The following RIMBP2 variants were observed in gnomAD, a reference collection of about 807,000 sequenced individuals.
RIMBP2 encodes the protein RIMS-binding protein 2.
A neutral mutation model predicts 118.6 loss-of-function variants in RIMBP2; 48 were observed. That is an observed-to-expected ratio of 0.40 (90% confidence interval 0.32 to 0.51). RIMBP2 has a LOEUF of 0.51. RIMBP2 is among the 20% of genes least tolerant of loss of function. The pLI, the probability that RIMBP2 is intolerant of heterozygous loss-of-function variation, is 0.41. For synonymous variants in RIMBP2, 762 were observed against 742.9 expected, an observed-to-expected ratio of 1.03 and a Z score of -0.42; for missense variants, 1,551 against 1,768.3, an observed-to-expected ratio of 0.88 and a Z score of 2.20.
chr12:130,610,600 G>A (rs145729646), intron 2 of RIMBP2, among the ~76,000 whole-genome samples: 11 of 113,000 alleles, frequency 9.7e-5, no homozygotes, highest in Admixed American at 2.8e-4. Context: ...TCGCTCTGTC[G>A]CCCAGGCTGG....
intron 1 of RIMBP2, among the ~76,000 whole-genome samples, chr12:130,645,618 G>C (rs375650399): frequency 1.3e-5 from 2 of 152,354 alleles, no homozygotes; most frequent in South Asian, 4.1e-4. Flanking sequence ...TGGGGGACAA[G>C]GTCAAAGCCA....
At chr12:130,646,142 ACCACCTGC>A (rs2062905846) in intron 1 of RIMBP2, among the ~76,000 whole-genome samples, 2 of 38,210 alleles carry the variant, frequency 5.2e-5, no homozygotes, top group African/African-American at 2.4e-4. Flanking sequence ...CACCTCCCTC[ACCACCTGC>A]CTCTCCACCT....
intron 2 of RIMBP2, among the ~76,000 whole-genome samples, chr12:130,607,680 A>C (rs1315789676): frequency 6.6e-6 from 1 of 151,970 alleles, no homozygotes; most frequent in Non-Finnish European, 1.5e-5. Flanking sequence ...ACTCCCCAGC[A>C]AGGAGAAGCC....
chr12:130,619,053 AG>A (rs2061139066), intron 2 of RIMBP2, among the ~76,000 whole-genome samples: 1 of 152,250 alleles, frequency 6.6e-6, no homozygotes, highest in Non-Finnish European at 1.5e-5. Context: ...CTTTATAGCA[AG>A]CAACCTTCAA....
At chr12:130,646,106 T>TCCCTCA in intron 1 of RIMBP2, among the ~76,000 whole-genome samples, 1 of 51,166 alleles carries the variant, frequency 2.0e-5, no homozygotes, top group East Asian at 6.7e-4. Context: ...CACCTCCCTC[T>TCCCTCA]CCACCTCCCT....
chr12:130,535,332 CA>C (rs1420274756), intron 2 of RIMBP2, among the ~76,000 whole-genome samples: 1 of 143,522 alleles, frequency 7.0e-6, no homozygotes, highest in Non-Finnish European at 1.6e-5. Context: ...AACCCAGTCT[CA>C]ACTAAAAAAT....
In RIMBP2 at chr12:130,396,873, C is replaced by CTGTT. The variant is rs2074113853; in HGVS notation, c.*484_*487dup. 1 of 152,584 alleles carries CTGTT rather than the reference C, an allele frequency of 6.6e-6. No individual in the cohort carries two copies. Among genetic ancestry groups the CTGTT allele is most frequent in the South Asian group, 2.1e-4 (1 of 4,826 alleles). The allele number at this position is 152,584 out of a possible 1,614,324, so 9.5% of individuals were successfully genotyped here. A position where few individuals can be genotyped will look rare whatever the true frequency, so the allele number is the denominator to read the frequency against. ...ATGCACGACACATACAAAGTATACACTGTTTTTATTAGACAGTACAAATCA... is the reference window on the plus strand; with the variant it reads ...ATGCACGACACATACAAAGTATACACTGTTTGTTTTTATTAGACAGTACAAATCA... On this transcript the variant is annotated 3_prime_UTR_variant, in exon 23 of 23. Coordinates refer to ENST00000690449, the MANE Select transcript of RIMBP2 (RefSeq NM_001393629.1).
chr12:130,400,378 T>A (rs1005827468), intron 21 of RIMBP2, among the ~76,000 whole-genome samples: 3 of 152,216 alleles, frequency 2.0e-5, no homozygotes, highest in African/African-American at 7.2e-5. Flanking sequence ...GATAACCTCC[T>A]CAGACATTAC....
In RIMBP2 at chr12:130,711,747, G is replaced by A. The variant is rs957329171; in HGVS notation, c.-352+4475C>T. On this transcript the variant is annotated intron_variant, in intron 1 of 22. Transcript: ENST00000690449. ...CCACAAACCCTAGTACAGTGTGACTGGCTTGTTCAAAGATAAATGCAGTCA... is the reference window on the plus strand; with the variant it reads ...CCACAAACCCTAGTACAGTGTGACTAGCTTGTTCAAAGATAAATGCAGTCA... Among the ~76,000 whole-genome samples the A allele has an allele frequency of 2.6e-5, 4 of 152,228 alleles. No individual in the cohort carries two copies. In the East Asian group the frequency reaches 7.7e-4, roughly 29 times the overall value.
At chr12:130,607,683 G>A (rs568886989) in intron 2 of RIMBP2, among the ~76,000 whole-genome samples, 3 of 152,108 alleles carry the variant, frequency 2.0e-5, no homozygotes, top group African/African-American at 7.2e-5. Flanking sequence ...CCCCAGCAAG[G>A]AGAAGCCTGC....
At chr12:130,634,726 A>G (rs903172568) in intron 1 of RIMBP2, among the ~76,000 whole-genome samples, 2 of 151,984 alleles carry the variant, frequency 1.3e-5, no homozygotes, top group African/African-American at 4.8e-5. Context: ...CAAGTAGCTG[A>G]GGCTACCAGT....
Position 130,623,880 on chromosome 12 carries a change from C to T in RIMBP2, c.-217+4442G>A, listed in dbSNP as rs2061469511. Among the ~76,000 whole-genome samples, 1 of 152,220 alleles carries T rather than the reference C, an allele frequency of 6.6e-6. No individual in the cohort carries two copies. The highest frequency in any genetic ancestry group is 1.5e-5 in the Non-Finnish European group (1 of 68,042). ...ACACCACAGTCTCCCAGAGGTTCCA[C>T]AGCAGGATTGAGTCCCCATCACCCA... On this transcript the variant is annotated intron_variant, in intron 2 of 22. Transcript: ENST00000690449. The surrounding 1 kb of genome is among the most constrained non-coding windows in gnomAD (Gnocchi z 4.1).
In RIMBP2 at chr12:130,434,663, T is replaced by C; in HGVS notation, c.2253+71A>G. The stretch of plus-strand genomic sequence containing the variant: ...GTAGCGGGGAAAGTGCCCATGTCTC[T>C]TGATCTCCACGGGGCCCGCTCCGAG... On this transcript the variant is annotated intron_variant, in intron 14 of 22. Coordinates refer to ENST00000690449, the MANE Select transcript of RIMBP2 (RefSeq NM_001393629.1). The surrounding 1 kb of genome is among the most constrained non-coding windows in gnomAD (Gnocchi z 5.7). The C allele has an allele frequency of 4.7e-6, 7 of 1,497,230 alleles. No homozygotes were observed. The highest frequency in any genetic ancestry group is 6.2e-6 in the Non-Finnish European group (7 of 1,121,000). The allele number at this position is 1,497,230 out of a possible 1,614,324, so 92.7% of individuals were successfully genotyped here.
chr12:130,563,528 T>A (rs1045581326), intron 2 of RIMBP2, among the ~76,000 whole-genome samples: 1 of 152,254 alleles, frequency 6.6e-6, no homozygotes, highest in African/African-American at 2.4e-5. Context: ...GAATCAAGTA[T>A]GAAAACGGTG....
intron 6 of RIMBP2, among the ~76,000 whole-genome samples, chr12:130,468,598 T>A (rs748012717): frequency 2.6e-5 from 4 of 151,876 alleles, no homozygotes; most frequent in Non-Finnish European, 4.4e-5. Flanking sequence ...AAGGGGGTGG[T>A]CTTTGACAGA....
At chr12:130,702,185 A>G (rs1324517340) in intron 1 of RIMBP2, among the ~76,000 whole-genome samples, 1 of 152,002 alleles carries the variant, frequency 6.6e-6, no homozygotes, top group Non-Finnish European at 1.5e-5. Context: ...ATTTTGGGTA[A>G]ATTTCCAAAT....
rs1406274096 is a variant in RIMBP2 at position 130,622,248 on chromosome 12, C to A, written c.-217+6074G>T. Among the ~76,000 whole-genome samples, 1 of 152,142 alleles carries A rather than the reference C, an allele frequency of 6.6e-6. No homozygotes were observed. The highest frequency in any genetic ancestry group is 1.5e-5 in the Non-Finnish European group (1 of 68,036). On this transcript the variant is annotated intron_variant, in intron 2 of 22. Transcript: ENST00000690449. The surrounding 1 kb of genome is among the most constrained non-coding windows in gnomAD (Gnocchi z 8.5). Reference sequence around the variant, plus strand: ...GACTGGAGCAGACGTGAAGCCCCCACAAGGCTGCATAGGAGGTTCCGGGGA... The same window carrying A: ...GACTGGAGCAGACGTGAAGCCCCCAAAAGGCTGCATAGGAGGTTCCGGGGA...
In RIMBP2 at chr12:130,578,556, A is replaced by C. The variant is rs2058246476; in HGVS notation, c.-217+49766T>G. On this transcript the variant is annotated intron_variant, in intron 2 of 22. Transcript: ENST00000690449. The surrounding 1 kb of genome is among the most constrained non-coding windows in gnomAD (Gnocchi z 4.1). ...CTGTGTTCTGTTTCTCGATCATAGCAAACTTGCTCCAGCCTTGGGGCCTGT... is the reference window on the plus strand; with the variant it reads ...CTGTGTTCTGTTTCTCGATCATAGCCAACTTGCTCCAGCCTTGGGGCCTGT... Among the ~76,000 whole-genome samples, 1 of 152,190 alleles carries C rather than the reference A, an allele frequency of 6.6e-6. No individual in the cohort carries two copies. The highest frequency in any genetic ancestry group is 1.5e-5 in the Non-Finnish European group (1 of 68,034).
chr12:130,401,568 T>C (rs2136286305), intron 21 of RIMBP2, among the ~76,000 whole-genome samples: 1 of 151,954 alleles, frequency 6.6e-6, no homozygotes, highest in African/African-American at 2.4e-5. Context: ...TTGAAGGTCC[T>C]ACTCTTATTT....
Sources: allele counts gnomAD v4.1 joint callset (sites outside exome capture counted in the v4.1 genomes callset), GRCh38; gene constraint gnomAD v4.1.1; non-coding constraint Gnocchi (gnomAD v3.1); transcripts MANE v1.5; gene names NCBI Gene and HGNC (gene_info 2026-07-23, HGNC 2026-07-21).